The following SEPTIN9 variants were observed in gnomAD, a reference collection of about 807,000 sequenced individuals.
The protein encoded by SEPTIN9 is septin-9.
A neutral mutation model predicts 56.6 loss-of-function variants in SEPTIN9; 13 were observed. That is an observed-to-expected ratio of 0.23 (90% CI 0.15 to 0.37). SEPTIN9 has a LOEUF of 0.37. Among genes scored for constraint, SEPTIN9 ranks in the 10% least tolerant of loss-of-function variants. The pLI is 1.00. For missense variants in SEPTIN9, 650 were observed against 823.1 expected (o/e 0.79, Z 2.57); for synonymous variants, 332 against 334.1 (o/e 0.99, Z 0.07).
Position 77,365,167 on chromosome 17 carries a change from G to A in SEPTIN9, c.77-36892G>A, listed in dbSNP as rs534417495. ...GAAAGAGCCGCCACCCACCCACACC[G>A]CTACATCTTCTTTCCACTTTTCTGT... On this transcript the variant is annotated intron_variant, in intron 2 of 11. Transcript: ENST00000427177. Among the ~76,000 whole-genome samples, 36 of 152,244 alleles carry A rather than the reference G, an allele frequency of 2.4e-4. No homozygotes were observed. In the South Asian group the frequency reaches 6.8e-3, roughly 29 times the overall value.
chr17:77,284,209 G>A (rs1389530829), intron 1 of SEPTIN9, among the ~76,000 whole-genome samples: 3 of 152,086 alleles, frequency 2.0e-5, no homozygotes, highest in Admixed American at 1.3e-4. Context: ...CAGGAGGATC[G>A]CTTGAAGCCA....
Position 77,437,789 on chromosome 17 carries a change from C to G in SEPTIN9, c.721+35086C>G, listed in dbSNP as rs1000531928. On this transcript the variant is annotated intron_variant, in intron 3 of 11. Transcript: ENST00000427177. This position sits in a 1 kb window ranked among gnomAD's most constrained non-coding sequence, Gnocchi z 5.3. ...CTGGGGAGGACTTTCTGCTGCCCCC[C>G]AACCCCTTTCGGGTACATTCTCCTG... 6.6e-6 allele frequency among the ~76,000 whole-genome samples: 1 copy of G among 152,236 alleles called. No homozygotes were observed. Among genetic ancestry groups the G allele is most frequent in the Non-Finnish European group, 1.5e-5 (1 of 68,048 alleles).
rs1019806839 is a variant in SEPTIN9, at chr17:77,476,193, C to T, written c.722-5951C>T. Reference sequence around the variant, plus strand: ...ACAGGGAGGGGTAGGCAGAGAAGGGCGGCCCCTGGGTCTTGGTTTCCAAGT... The same window carrying T: ...ACAGGGAGGGGTAGGCAGAGAAGGGTGGCCCCTGGGTCTTGGTTTCCAAGT... On this transcript the variant is annotated intron_variant, in intron 3 of 11. Coordinates refer to ENST00000427177, the MANE Select transcript of SEPTIN9 (RefSeq NM_001113491.2). The surrounding 1 kb of genome is among the most constrained non-coding windows in gnomAD (Gnocchi z 6.0). Among the ~76,000 whole-genome samples the T allele has an allele frequency of 3.3e-5, 5 of 152,136 alleles. No homozygotes were observed. The highest frequency in any genetic ancestry group is 1.9e-4 in the East Asian group (1 of 5,190).
At position 77,381,598 on chromosome 17, in the gene SEPTIN9, C is replaced by T. The variant is rs441269; in HGVS notation, c.77-20461C>T. Among the ~76,000 whole-genome samples, 718 of 152,364 alleles carry T rather than the reference C, an allele frequency of 4.7e-3. 7 individuals are homozygous for T. Among genetic ancestry groups the T allele is most frequent in the African/African-American group, 0.016 (679 of 41,580 alleles). The stretch of plus-strand genomic sequence containing the variant: ...ACCAGGCCTGGAGGGGTGGTCTTCT[C>T]CTCTGTCCTCTGCCTCTTGCCCCCC... On this transcript the variant is annotated intron_variant, in intron 2 of 11. Transcript: ENST00000427177.
chr17:77,338,798 T>G (rs2033637168), intron 2 of SEPTIN9, among the ~76,000 whole-genome samples: 1 of 152,242 alleles, frequency 6.6e-6, no homozygotes. Flanking sequence ...GCATTATGTT[T>G]GATAGCATCT....
chr17:77,373,499 T>A, intron 2 of SEPTIN9: 1 of 1,539,010 alleles, frequency 6.5e-7, no homozygotes, highest in Non-Finnish European at 8.8e-7. Flanking sequence ...CCAGCCATCA[T>A]GTCGGACCCC....
intron 1 of SEPTIN9, among the ~76,000 whole-genome samples, chr17:77,290,707 C>T (rs1218795978): frequency 5.4e-5 from 8 of 148,816 alleles, no homozygotes; most frequent in Admixed American, 4.0e-4. Context: ...CCCAGCTACT[C>T]GGGAGGCTGA....
intron 3 of SEPTIN9, among the ~76,000 whole-genome samples, chr17:77,413,492 G>C (rs1194356334): frequency 6.6e-6 from 1 of 152,224 alleles, no homozygotes; most frequent in Non-Finnish European, 1.5e-5. Context: ...TGACATGATT[G>C]ATCAGCAGAG....
chr17:77,405,973 TGGAG>T lies in SEPTIN9; in HGVS notation c.721+3275_721+3278del, dbSNP rs780663612. On this transcript the variant is annotated intron_variant, in intron 3 of 11. Transcript: ENST00000427177. This position sits in a 1 kb window ranked among gnomAD's most constrained non-coding sequence, Gnocchi z 5.8. ...GCTGGCACCATGGGGAAAGGAATCA[TGGAG>T]GGAGTTCCGTGCCCTCTGAGCAGAC... Among the ~76,000 whole-genome samples, 25 of 152,196 alleles carry T rather than the reference TGGAG, an allele frequency of 1.6e-4. No homozygotes were observed. Among genetic ancestry groups the T allele is most frequent in the Non-Finnish European group, 2.5e-4 (17 of 68,024 alleles).
In SEPTIN9 at chr17:77,500,170, G is replaced by A. The variant is rs1436603764; in HGVS notation, c.*1512G>A. 4.3e-6 allele frequency: 1 copy of A among 233,060 alleles called. No individual in the cohort carries two copies. The highest frequency in any genetic ancestry group is 8.5e-6 in the Non-Finnish European group (1 of 117,740). 14.4% of individuals were successfully genotyped at this position (233,060 alleles called of 1,614,324 possible). A position where few individuals can be genotyped will look rare whatever the true frequency, so the allele number is the denominator to read the frequency against. On this transcript the variant is annotated 3_prime_UTR_variant, in exon 12 of 12. Transcript: ENST00000427177. ...AAGGTCAGCGAGAAGGAGTGTATGA[G>A]TGTGAGTGTGTGTGCATGGAAGTTG...
intron 3 of SEPTIN9, among the ~76,000 whole-genome samples, chr17:77,406,668 T>TTTTTTTG (rs1397307438): frequency 6.6e-6 from 1 of 151,878 alleles, no homozygotes; most frequent in African/African-American, 2.4e-5. Flanking sequence ...TTTTGTGTTT[T>TTTTTTTG]TTTTTTGTTT....
At chr17:77,468,331 G>A (rs2038840198) in intron 3 of SEPTIN9, among the ~76,000 whole-genome samples, 1 of 150,340 alleles carries the variant, frequency 6.7e-6, no homozygotes, top group South Asian at 2.1e-4. Flanking sequence ...GCTATCCCGG[G>A]AAAACAAGTG....
Position 77,369,298 on chromosome 17 carries a change from G to A in SEPTIN9, c.77-32761G>A, listed in dbSNP as rs1400343859. Among the ~76,000 whole-genome samples, 2 of 152,190 alleles carry A rather than the reference G, an allele frequency of 1.3e-5. No homozygotes were observed. The highest frequency in any genetic ancestry group is 2.4e-5 in the African/African-American group (1 of 41,440). On this transcript the variant is annotated intron_variant, in intron 2 of 11. Transcript: ENST00000427177. This position sits in a 1 kb window ranked among gnomAD's most constrained non-coding sequence, Gnocchi z 4.9. ...ATTGACACCACAGGAATAGGCAAGC[G>A]CTACAAATCGGGAAACTGAGTGTTG...
intron 2 of SEPTIN9, among the ~76,000 whole-genome samples, chr17:77,325,569 C>T (rs1224630915): frequency 6.6e-6 from 1 of 152,168 alleles, no homozygotes; most frequent in African/African-American, 2.4e-5. Flanking sequence ...CCCGGGGCGT[C>T]CTGAGGCCTG....
At position 77,451,036 on chromosome 17, in the gene SEPTIN9, T is replaced by C. The variant is rs547308125; in HGVS notation, c.722-31108T>C. On this transcript the variant is annotated intron_variant, in intron 3 of 11. Coordinates refer to ENST00000427177, the MANE Select transcript of SEPTIN9 (RefSeq NM_001113491.2). This position sits in a 1 kb window ranked among gnomAD's most constrained non-coding sequence, Gnocchi z 4.2. ...TCAGGCAGAGCACAAGGAGAGAGGG[T>C]GTCCAGGTCAGTTTCAGGACCTGGC... 2.3e-3 allele frequency: 358 copies of C among 157,406 alleles called. 1 individual carries two copies. Among genetic ancestry groups the C allele is most frequent in the African/African-American group, 8.2e-3 (340 of 41,568 alleles). The allele number at this position is 157,406 out of a possible 1,614,324, so 9.8% of individuals were successfully genotyped here.
At chr17:77,353,825 G>A (rs187858308) in intron 2 of SEPTIN9, among the ~76,000 whole-genome samples, 7 of 152,330 alleles carry the variant, frequency 4.6e-5, no homozygotes, top group Middle Eastern at 3.4e-3. Flanking sequence ...CACTGTGTCA[G>A]ATGGGTTCTG....
chr17:77,399,742 C>T (rs181504852), intron 2 of SEPTIN9, among the ~76,000 whole-genome samples: 12 of 152,270 alleles, frequency 7.9e-5, no homozygotes, highest in Admixed American at 7.8e-4. Context: ...GACATTCAAC[C>T]TTTCCTTGGG....
rs2032774393 is a variant in SEPTIN9 at position 77,318,117 on chromosome 17, C to CTG, written c.76+10921_76+10922insGT. ...GAATCATCTCAAAACCATCTCCCCA[C>CTG]TCCCTGGTCTGTGGAAAAATTGTCT... is the stretch of plus-strand genomic sequence containing the variant. On this transcript the variant is annotated intron_variant, in intron 2 of 11. Coordinates refer to ENST00000427177, the MANE Select transcript of SEPTIN9 (RefSeq NM_001113491.2). The surrounding 1 kb of genome is among the most constrained non-coding windows in gnomAD (Gnocchi z 4.9). 6.6e-6 allele frequency among the ~76,000 whole-genome samples: 1 copy of CTG among 152,146 alleles called. No homozygotes were observed. Among genetic ancestry groups the CTG allele is most frequent in the Non-Finnish European group, 1.5e-5 (1 of 68,018 alleles).
intron 3 of SEPTIN9, among the ~76,000 whole-genome samples, chr17:77,452,088 G>C (rs2144413828): frequency 6.6e-6 from 1 of 152,324 alleles, no homozygotes; most frequent in East Asian, 1.9e-4. Flanking sequence ...CTGGATTCCT[G>C]GATGTGTTGG....
Sources: allele counts gnomAD v4.1 joint callset (sites outside exome capture counted in the v4.1 genomes callset), GRCh38; gene constraint gnomAD v4.1.1; non-coding constraint Gnocchi (gnomAD v3.1); transcripts MANE v1.5; gene names NCBI Gene and HGNC (gene_info 2026-07-23, HGNC 2026-07-21).